The following ZNF410 variants were observed in gnomAD, a reference collection of about 807,000 sequenced individuals.
The protein encoded by ZNF410 is zinc finger protein 410.
Under a neutral mutation model 54.8 loss-of-function variants are expected in ZNF410, and 18 were observed. The ratio of observed to expected loss-of-function variants is 0.33; its 90% CI spans 0.23 to 0.49. The LOEUF is 0.49. Ranked by LOEUF, ZNF410 falls within the 20% of genes least tolerant of loss-of-function variation. ZNF410 has a pLI of 0.99. For missense variants in ZNF410, 405 were observed against 569.6 expected (o/e 0.71, Z 2.94); for synonymous variants, 191 against 207.3 (o/e 0.92, Z 0.68).
At chr14:73,920,934 C>T (rs2055745990) in intron 8 of ZNF410, 46 bp from the exon 9 acceptor site, 2 of 1,611,288 alleles carry the variant, frequency 1.2e-6, no homozygotes, top group Admixed American at 1.7e-5. Flanking sequence ...AGTTCATTCT[C>T]TTCCTGTCCT....
intron 10 of ZNF410, chr14:73,922,730 T>C (rs1432206146): frequency 6.6e-6 from 1 of 152,442 alleles, no homozygotes; most frequent in Non-Finnish European, 1.5e-5. Context: ...CAGTGCCTAC[T>C]GTGTGCCTGG....
intron 5 of ZNF410, among the ~76,000 whole-genome samples, chr14:73,899,387 T>G (rs1384041201): frequency 1.3e-5 from 2 of 151,808 alleles, no homozygotes; most frequent in African/African-American, 4.8e-5. Flanking sequence ...GGATTTTAGG[T>G]GTGAGCAACC....
intron 2 of ZNF410, among the ~76,000 whole-genome samples, chr14:73,892,718 T>C (rs911612285): frequency 1.3e-5 from 2 of 152,186 alleles, no homozygotes; most frequent in African/African-American, 2.4e-5. Flanking sequence ...AGGATTGGCA[T>C]TGCTCCTAAC....
At chr14:73,891,765 G>A (rs759648754) in intron 1 of ZNF410, 1 of 460,040 alleles carries the variant, frequency 2.2e-6, no homozygotes, top group Admixed American at 4.3e-5. Context: ...AGGATAAGAC[G>A]GACATCTTTG....
Position 73,931,909 on chromosome 14 carries a change from T to C in ZNF410, c.*368T>C. 2.2e-6 allele frequency: 1 copy of C among 457,424 alleles called. No homozygotes were observed. Among genetic ancestry groups the C allele is most frequent in the South Asian group, 1.6e-5 (1 of 64,188 alleles). 28.3% of individuals were successfully genotyped at this position (457,424 alleles called of 1,614,324 possible). A position where few individuals can be genotyped will look rare whatever the true frequency, so the allele number is the denominator to read the frequency against. ...AGTTTTCATCCCAGACTCAGCTGTC[T>C]TTTCACATGGATGAAATAATTCCTG... On this transcript the variant is annotated 3_prime_UTR_variant, in exon 12 of 12. Transcript: ENST00000555044.
Position 73,920,928 on chromosome 14 carries a change from C to T in ZNF410, c.1004-52C>T, listed in dbSNP as rs373419788. 3.7e-6 allele frequency: 6 copies of T among 1,608,208 alleles called. No homozygotes were observed. In the African/African-American group the frequency reaches 8.0e-5, roughly 22 times the overall value. ...GGTTTCTCCATCTAGGTCTTGAGTT[C>T]ATTCTCTTCCTGTCCTTTTGGCTTC... On this transcript the variant is annotated intron_variant, in intron 8 of 11. Coordinates refer to ENST00000555044, the MANE Select transcript of ZNF410 (RefSeq NM_021188.3).
At chr14:73,917,474 T>G (rs2055684868) in intron 8 of ZNF410, among the ~76,000 whole-genome samples, 1 of 152,138 alleles carries the variant, frequency 6.6e-6, no homozygotes, top group Non-Finnish European at 1.5e-5. Context: ...TACAAGCAAA[T>G]GCAGGTTATT....
At chr14:73,895,445 G>C (rs960937895) in intron 3 of ZNF410, 2 of 152,042 alleles carry the variant, frequency 1.3e-5, no homozygotes, top group African/African-American at 4.8e-5. Flanking sequence ...AAATCAGTAA[G>C]TCAAAGATGT....
chr14:73,892,380 TA>T (rs2055243847), intron 2 of ZNF410, among the ~76,000 whole-genome samples, 172 bp downstream of exon 2: 1 of 152,074 alleles, frequency 6.6e-6, no homozygotes, highest in African/African-American at 2.4e-5. Context: ...TTAAAAATTA[TA>T]TTTTTTGTGA....
At chr14:73,892,808 C>T (rs528036087) in intron 2 of ZNF410, among the ~76,000 whole-genome samples, 4 of 152,210 alleles carry the variant, frequency 2.6e-5, no homozygotes, top group East Asian at 3.9e-4. Context: ...AGTTTGGGTG[C>T]GGTGGCTCAC....
intron 6 of ZNF410, among the ~76,000 whole-genome samples, chr14:73,904,514 A>C (rs1046326788): frequency 6.6e-6 from 1 of 152,150 alleles, no homozygotes; most frequent in Non-Finnish European, 1.5e-5. Flanking sequence ...CCCAGGGTGG[A>C]GTACAGTGGC....
chr14:73,913,360 G>A (rs1208388226), intron 8 of ZNF410: 1 of 152,042 alleles, frequency 6.6e-6, no homozygotes, highest in African/African-American at 2.4e-5. Flanking sequence ...AAGGCCAAAG[G>A]AATGGACTCC....
chr14:73,910,861 C>CA (rs540690694), intron 8 of ZNF410, among the ~76,000 whole-genome samples: 17,279 of 68,362 alleles, frequency 0.25, 1,853 homozygotes, highest in East Asian at 0.56. Context: ...GACCCTGTCT[C>CA]AAAAAAAAAA....
At chr14:73,926,879 C>T (rs1011750304) in intron 11 of ZNF410, among the ~76,000 whole-genome samples, 13 of 152,116 alleles carry the variant, frequency 8.5e-5, no homozygotes, top group African/African-American at 2.7e-4. Flanking sequence ...TTCAATTTTT[C>T]CCCCTTGGCA....
chr14:73,923,619 GGAAACTTTGGCAC>G, intron 11 of ZNF410, 97 bp downstream of exon 11: 1 of 1,466,126 alleles, frequency 6.8e-7, no homozygotes, highest in Non-Finnish European at 9.2e-7. Context: ...TCCATTTCCT[GGAAACTTTGGCAC>G]GAATATTTTC....
chr14:73,895,042 G>A (rs2055293500), intron 3 of ZNF410, among the ~76,000 whole-genome samples: 1 of 152,100 alleles, frequency 6.6e-6, no homozygotes. Flanking sequence ...TGCAGCTGTA[G>A]TCCCAGCTGA....
In ZNF410 at chr14:73,893,973, A is replaced by G. The variant is rs775948089; in HGVS notation, c.169+41A>G. The stretch of plus-strand genomic sequence containing the variant: ...ACTAGAAATAGGATAAAGAAGTCTT[A>G]AGAGCTTAGCCTACTCTATGTTACT... On this transcript the variant is annotated intron_variant, in intron 3 of 11. Transcript: ENST00000555044. 1.9e-6 allele frequency: 3 copies of G among 1,585,350 alleles called. No homozygotes were observed. In the South Asian group the frequency reaches 3.5e-5, roughly 19 times the overall value.
At chr14:73,905,502 C>G (rs1435451924) in intron 7 of ZNF410, 2 of 155,450 alleles carry the variant, frequency 1.3e-5, no homozygotes, top group African/African-American at 4.8e-5. Context: ...GAAAAAAATA[C>G]AAAAGATAAG....
chr14:73,922,260 A>G, intron 10 of ZNF410, 54 bp downstream of exon 10: 2 of 1,571,618 alleles, frequency 1.3e-6, no homozygotes, highest in Non-Finnish European at 1.7e-6. Flanking sequence ...ACTAGGGGCT[A>G]AGGAATGGGG....
Sources: gnomAD v4.1 joint callset for allele counts (sites outside exome capture counted in the v4.1 genomes callset) on GRCh38, gnomAD v4.1.1 for gene constraint, MANE v1.5 for transcripts, NCBI Gene and HGNC (gene_info 2026-07-23, HGNC 2026-07-21) for gene names.